Variants in SLC9C1 observed in about 807,000 individuals in gnomAD.
SLC9C1 encodes sodium/hydrogen exchanger 10.
In SLC9C1, 97 loss-of-function variants were observed where a neutral mutation model predicts 140.9. The observed-to-expected ratio is 0.69, with a 90% CI of 0.58 to 0.82. The LOEUF (loss-of-function observed/expected upper bound fraction) is 0.82. SLC9C1 is among the 40% of genes least tolerant of loss of function. The pLI is 0.00. For synonymous variants in SLC9C1, 440 were observed against 442.6 expected, an observed-to-expected ratio of 0.99 and a Z score of 0.07; for missense variants, 1,340 against 1,389.3, an observed-to-expected ratio of 0.96 and a Z score of 0.56.
chr3:112,161,475 A>T (rs2075297033), intron 26 of SLC9C1, among the ~76,000 whole-genome samples: 1 of 152,214 alleles, frequency 6.6e-6, no homozygotes, highest in Admixed American at 6.5e-5. Context: ...ATCCAGTTTC[A>T]GCTTTCTACA....
intron 12 of SLC9C1, among the ~76,000 whole-genome samples, chr3:112,236,095 G>A (rs976822100): frequency 4.6e-5 from 7 of 152,094 alleles, no homozygotes; most frequent in Non-Finnish European, 8.8e-5. Context: ...AATCCATCTG[G>A]TCCTGGACTT....
rs2107855579 is a variant in SLC9C1, at chr3:112,151,916, G to A, written c.3465C>T (p.Ser1155=). 1 of 1,607,430 alleles carries A rather than the reference G, an allele frequency of 6.2e-7. No individual in the cohort carries two copies. The highest frequency in any genetic ancestry group is 2.2e-5 in the East Asian group (1 of 44,750). Residue 1155 remains serine, a synonymous_variant, in exon 28 of 29, where the codon TCC becomes TCT. Transcript: ENST00000305815. ...AATARSPQPC[S]LLGTKFNCKE... Reference sequence around the variant, plus strand: ...TACAGTTGAACTTTGTCCCCAGCAGGGAGCAAGGCTGGGGACTCCTGGCAG... The same window carrying A: ...TACAGTTGAACTTTGTCCCCAGCAGAGAGCAAGGCTGGGGACTCCTGGCAG...
At chr3:112,240,056 A>T (rs771341607) in intron 11 of SLC9C1, 50 bp from the exon 12 acceptor site, 6 of 1,519,702 alleles carry the variant, frequency 3.9e-6, no homozygotes, top group Admixed American at 2.0e-5. Context: ...CACAATTTTG[A>T]TATGGGTTAG....
chr3:112,180,695 A>G (rs2077423504), intron 21 of SLC9C1, 33 bp from the exon 22 acceptor site: 2 of 1,520,494 alleles, frequency 1.3e-6, no homozygotes, highest in Admixed American at 1.8e-5. Flanking sequence ...TAAACTATAA[A>G]CAACATTTTA....
intron 1 of SLC9C1, among the ~76,000 whole-genome samples, chr3:112,287,558 G>A (rs1576535649): frequency 6.6e-6 from 1 of 152,208 alleles, no homozygotes; most frequent in African/African-American, 2.4e-5. Context: ...AGGAACAAGA[G>A]GGGCCTTGAT....
intron 28 of SLC9C1, among the ~76,000 whole-genome samples, chr3:112,142,833 C>G (rs1378042299): frequency 2.0e-5 from 3 of 152,076 alleles, no homozygotes; most frequent in Admixed American, 2.0e-4. Flanking sequence ...TTCCATCACC[C>G]AGGTACTGAG....
intron 16 of SLC9C1, among the ~76,000 whole-genome samples, chr3:112,205,288 A>AAC (rs1039206549): frequency 2.0e-5 from 3 of 152,094 alleles, no homozygotes; most frequent in Non-Finnish European, 4.4e-5. Flanking sequence ...ATCATGAGTG[A>AAC]ACTCCCATTC....
intron 10 of SLC9C1, among the ~76,000 whole-genome samples, chr3:112,252,245 C>A (rs879581959): frequency 6.6e-6 from 1 of 152,102 alleles, no homozygotes; most frequent in Non-Finnish European, 1.5e-5. Flanking sequence ...AGTGCAGCTG[C>A]TCTATGGATA....
At chr3:112,217,821 A>G (rs906384533) in intron 14 of SLC9C1, among the ~76,000 whole-genome samples, 14 of 152,196 alleles carry the variant, frequency 9.2e-5, no homozygotes, top group African/African-American at 2.9e-4. Context: ...TCAGGGATAG[A>G]AAACATACTA....
Position 112,262,958 on chromosome 3 carries a change from T to A in SLC9C1, c.1163A>T (p.Asp388Val). The A allele has an allele frequency of 6.3e-7, 1 of 1,586,356 alleles. No homozygotes were observed. Among genetic ancestry groups the A allele is most frequent in the Non-Finnish European group, 8.5e-7 (1 of 1,171,028 alleles). Residue 388 changes from aspartate to valine, a missense_variant, in exon 10 of 29, where the codon GAT becomes GTT. By Grantham distance (152) the Asp-to-Val change is radical (BLOSUM62 -3). Transcript: ENST00000305815. ...INMALLLAYS[D>V]LYFGSDKEKS... ...TTCTTTGTCAGATCCAAAATAAAGA[T>A]CAGAGTAGGCAAGCAGAAGGGCCAT...
intron 10 of SLC9C1, among the ~76,000 whole-genome samples, chr3:112,253,720 T>C (rs1225151092): frequency 6.6e-6 from 1 of 152,156 alleles, no homozygotes; most frequent in Admixed American, 6.6e-5. Flanking sequence ...GGCCAGAGTG[T>C]CTTATATCCT....
intron 1 of SLC9C1, among the ~76,000 whole-genome samples, chr3:112,288,890 T>C (rs772925404): frequency 6.6e-5 from 10 of 152,034 alleles, no homozygotes; most frequent in Non-Finnish European, 1.5e-4. Context: ...TCTGTATAAT[T>C]TTCTAGTCTG....
In SLC9C1 at chr3:112,169,335, A is replaced by G. The variant is rs755981319; in HGVS notation, c.2920-7T>C. 5.7e-5 allele frequency: 92 copies of G among 1,601,348 alleles called. 1 individual carries two copies. In the South Asian group the frequency reaches 9.6e-4, roughly 17 times the overall value. Reference sequence around the variant, plus strand: ...TTTTGGGAATAAAACATGTCTGGAAAAGAAGGATGTAAATTTGATATTTTA... The same window carrying G: ...TTTTGGGAATAAAACATGTCTGGAAGAGAAGGATGTAAATTTGATATTTTA... On this transcript the variant is annotated splice_region_variant and splice_polypyrimidine_tract_variant and intron_variant, in intron 23 of 28. Coordinates refer to ENST00000305815, the MANE Select transcript of SLC9C1 (RefSeq NM_183061.3).
At chr3:112,246,482 AGTC>A (rs2079288337) in intron 10 of SLC9C1, among the ~76,000 whole-genome samples, 1 of 152,258 alleles carries the variant, frequency 6.6e-6, no homozygotes, top group Admixed American at 6.6e-5. Context: ...GCTGAGTAAG[AGTC>A]GTCATTTTCC....
At chr3:112,231,928 TGCTGCAGCTAAA>T (rs2078840904) in intron 12 of SLC9C1, among the ~76,000 whole-genome samples, 1 of 152,192 alleles carries the variant, frequency 6.6e-6, no homozygotes, top group South Asian at 2.1e-4. Context: ...TTGAAAATTT[TGCTGCAGCTAAA>T]GCTTGACAAC....
chr3:112,230,129 T>C (rs2078782676), intron 13 of SLC9C1, among the ~76,000 whole-genome samples: 1 of 152,160 alleles, frequency 6.6e-6, no homozygotes, highest in Admixed American at 6.6e-5. Context: ...CCTACTTCAT[T>C]GTTTCCAGAT....
intron 26 of SLC9C1, among the ~76,000 whole-genome samples, chr3:112,163,539 C>T (rs1457192717): frequency 1.3e-5 from 2 of 152,028 alleles, no homozygotes; most frequent in Non-Finnish European, 2.9e-5. Context: ...ACCCAGTAGT[C>T]ATTCAGGAGC....
chr3:112,219,185 T>A (rs529780961), intron 14 of SLC9C1, among the ~76,000 whole-genome samples: 32 of 152,328 alleles, frequency 2.1e-4, no homozygotes, highest in Admixed American at 2.0e-4. Flanking sequence ...TAGGTCCTGG[T>A]GCTCCTGTTT....
intron 23 of SLC9C1, among the ~76,000 whole-genome samples, chr3:112,177,219 C>T (rs367748980): frequency 1.3e-5 from 2 of 151,890 alleles, no homozygotes; most frequent in African/African-American, 4.8e-5. Context: ...GTTGGCCAGG[C>T]TGGTCTCAAA....
Sources: allele counts gnomAD v4.1 joint callset (sites outside exome capture counted in the v4.1 genomes callset), GRCh38; gene constraint gnomAD v4.1.1; transcripts MANE v1.5; gene names NCBI Gene and HGNC (gene_info 2026-07-23, HGNC 2026-07-21).